PDE6A: variants seen among roughly 807,000 people sequenced by gnomAD.
The protein encoded by PDE6A is rod cGMP-specific 3',5'-cyclic phosphodiesterase subunit alpha.
PDE6A carries 84 observed loss-of-function variants against 106.3 expected under a neutral mutation model. That is an observed-to-expected ratio of 0.79 (90% CI 0.66 to 0.95). PDE6A has a LOEUF of 0.95. PDE6A is among the 40% of genes least tolerant of loss of function. The pLI is 0.00. For synonymous variants in PDE6A, 394 were observed against 386.6 expected, an observed-to-expected ratio of 1.02 and a Z score of -0.23; for missense variants, 1,052 against 1,084.9, an observed-to-expected ratio of 0.97 and a Z score of 0.43.
intron 14 of PDE6A, among the ~76,000 whole-genome samples, chr5:149,885,268 C>T (rs975282691): frequency 3.3e-5 from 5 of 152,236 alleles, no homozygotes; most frequent in African/African-American, 1.2e-4. Context: ...AATGTAAACC[C>T]AATCTCTAGC....
In PDE6A at chr5:149,913,995, G is replaced by A. The variant is rs145133556; in HGVS notation, c.998+948C>T. Among the ~76,000 whole-genome samples the A allele has an allele frequency of 8.6e-3, 1,314 of 152,242 alleles. 6 individuals are homozygous for A. Among genetic ancestry groups the A allele is most frequent in the Middle Eastern group, 0.017 (5 of 290 alleles). On this transcript the variant is annotated intron_variant, in intron 6 of 21. Transcript: ENST00000255266. ...GACATTGAGAATAGGCTTTCTGTGG[G>A]GGCTGAGTCAGTTCCTTTGCAGCTT...
intron 3 of PDE6A, chr5:149,932,774 A>G (rs1262237735): frequency 9.5e-6 from 9 of 946,796 alleles, no homozygotes; most frequent in Non-Finnish European, 1.5e-5. Context: ...TAAATCCTTT[A>G]ACTTGCTTCA....
intron 16 of PDE6A, 71 bp downstream of exon 16, chr5:149,884,408 G>C (rs1415167258): frequency 2.3e-6 from 2 of 879,036 alleles, no homozygotes; most frequent in African/African-American, 3.4e-5. Flanking sequence ...GTATATATAT[G>C]TGTGTATATA....
rs80321866 is a variant in PDE6A, at chr5:149,934,609, A to G, written c.584T>C (p.Val195Ala). Residue 195 changes from valine (V) to alanine (A), a missense_variant, in exon 2 of 22, where the codon GTG (valine) becomes GCG (alanine). Coordinates refer to ENST00000255266, the MANE Select transcript of PDE6A (RefSeq NM_000440.3). ...GKDVVAIIMA[V>A]NKVDGSHFTK... ...GAAGTGGGATCCATCCACTTTATTC[A>G]CAGCCATGATTATGGCCACCACATC... 2.5e-6 allele frequency: 4 copies of G among 1,614,024 alleles called. No individual in the cohort carries two copies. The South Asian group carries it at 4.4e-5, about 18-fold the overall frequency.
chr5:149,883,481 G>A lies in PDE6A; in HGVS notation c.2083C>T (p.Gln695Ter), dbSNP rs1161389116. The A allele has an allele frequency of 6.2e-7, 1 of 1,613,820 alleles. No individual in the cohort carries two copies. ...AGCATCATGTACTGTGTCCACTCCT[G>A]TTCACTCTCATATGTCTTAGACTGA... ...VDQSKTYESEQEWTQYMMLEQ... is the reference protein window; with the variant it reads ...VDQSKTYESE The change falls in exon 17 of 22, where the codon CAG (glutamine) becomes TAG (stop). Residue 695 changes from glutamine (Q) to a stop codon, truncating the protein, a stop_gained. Transcript: ENST00000255266. LOFTEE classifies it high-confidence loss of function.
At chr5:149,902,333 G>A (rs770994015) in intron 8 of PDE6A, among the ~76,000 whole-genome samples, 4 of 152,022 alleles carry the variant, frequency 2.6e-5, no homozygotes, top group Non-Finnish European at 5.9e-5. Context: ...AATCTCCAGC[G>A]ATGCCCCTCC....
At chr5:149,906,698 G>A (rs1383500921) in intron 7 of PDE6A, among the ~76,000 whole-genome samples, 2 of 151,836 alleles carry the variant, frequency 1.3e-5, no homozygotes, top group African/African-American at 4.8e-5. Flanking sequence ...CATGTTGTTT[G>A]CCCATGTTCT....
chr5:149,895,634 G>A (rs963627418), intron 12 of PDE6A, among the ~76,000 whole-genome samples: 8 of 146,438 alleles, frequency 5.5e-5, no homozygotes, highest in African/African-American at 1.7e-4. Flanking sequence ...GCTCTACAGG[G>A]AAAAAAAAAA....
intron 4 of PDE6A, 50 bp from the exon 5 acceptor site, chr5:149,921,759 A>G (rs369297872): frequency 6.0e-5 from 89 of 1,471,838 alleles, no homozygotes; most frequent in Non-Finnish European, 7.6e-5. Context: ...AGATCAAGGA[A>G]AGGAGATTAA....
At chr5:149,878,014 C>T (rs571410454) in intron 17 of PDE6A, among the ~76,000 whole-genome samples, 3 of 152,266 alleles carry the variant, frequency 2.0e-5, no homozygotes, top group Non-Finnish European at 4.4e-5. Flanking sequence ...TTTGGCTGCC[C>T]AGAGGTTTTT....
intron 7 of PDE6A, 109 bp from the exon 8 acceptor site, chr5:149,903,804 A>C: frequency 1.2e-6 from 1 of 862,252 alleles, no homozygotes; most frequent in Non-Finnish European, 2.0e-6. Context: ...CAAGGCATTC[A>C]CATTCTTTTC....
rs1166096156 is a variant in PDE6A at position 149,884,514 on chromosome 5, A to T, written c.1992T>A (p.Ile664=). ...QHEHAIHMMD[I]AIIATDLALY... Reference sequence around the variant, plus strand: ...GGGCGAGGTCTGTGGCAATGATTGCAATGTCCATCATGTGGATGGCATGCT... The same window carrying T: ...GGGCGAGGTCTGTGGCAATGATTGCTATGTCCATCATGTGGATGGCATGCT... The change falls in exon 16 of 22, where the codon ATT becomes ATA. Residue 664 remains isoleucine (I), a synonymous_variant. Coordinates refer to ENST00000255266, the MANE Select transcript of PDE6A (RefSeq NM_000440.3). 6.2e-7 allele frequency: 1 copy of T among 1,613,584 alleles called. No homozygotes were observed. The highest frequency in any genetic ancestry group is 1.3e-5 in the African/African-American group (1 of 74,892).
At chr5:149,920,053 T>C (rs1334430902) in intron 5 of PDE6A, among the ~76,000 whole-genome samples, 1 of 152,084 alleles carries the variant, frequency 6.6e-6, no homozygotes, top group African/African-American at 2.4e-5. Flanking sequence ...TTAGGCCAGG[T>C]GCGGTGGCTC....
At chr5:149,912,593 T>A (rs570829782) in intron 6 of PDE6A, among the ~76,000 whole-genome samples, 20 of 152,208 alleles carry the variant, frequency 1.3e-4, no homozygotes, top group Non-Finnish European at 2.2e-4. Context: ...GCAAGGTTAT[T>A]CTATCTTGCA....
At chr5:149,932,627 A>G (rs1754074691) in intron 3 of PDE6A, 2 of 1,613,392 alleles carry the variant, frequency 1.2e-6, no homozygotes, top group African/African-American at 1.3e-5. Context: ...TAATGCCTTC[A>G]GTATATTCCA....
At chr5:149,914,768 C>A (rs1157033934) in intron 6 of PDE6A, among the ~76,000 whole-genome samples, 175 bp downstream of exon 6, 1 of 151,450 alleles carries the variant, frequency 6.6e-6, no homozygotes, top group African/African-American at 2.4e-5. Flanking sequence ...TTAACATGTT[C>A]TTTGATCTTT....
chr5:149,863,791 T>C lies in PDE6A; in HGVS notation c.2359-525A>G, dbSNP rs1760230296. On this transcript the variant is annotated intron_variant, in intron 20 of 21. Transcript: ENST00000255266. The surrounding 1 kb of genome is among the most constrained non-coding windows in gnomAD (Gnocchi z 4.7). ...GGCTCATGCCACCACACCCAGGTAA[T>C]TTTTTTTATTTTTGTAGATACAGGG... Among the ~76,000 whole-genome samples, 1 of 151,840 alleles carries C rather than the reference T, an allele frequency of 6.6e-6. No homozygotes were observed. The highest frequency in any genetic ancestry group is 1.5e-5 in the Non-Finnish European group (1 of 67,958).
chr5:149,893,440 T>C (rs930945101), intron 13 of PDE6A, among the ~76,000 whole-genome samples: 1 of 152,238 alleles, frequency 6.6e-6, no homozygotes, highest in South Asian at 2.1e-4. Context: ...GAAACCGTAC[T>C]CTGACCTTTC....
Position 149,944,643 on chromosome 5 carries a change from TCTC to T in PDE6A, c.28_30del (p.Glu10del). The T allele has an allele frequency of 6.2e-7, 1 of 1,612,552 alleles. No individual in the cohort carries two copies. The highest frequency in any genetic ancestry group is 8.5e-7 in the Non-Finnish European group (1 of 1,179,496). On this transcript the variant is annotated inframe_deletion, in exon 1 of 22. Transcript: ENST00000255266. The stretch of plus-strand genomic sequence containing the variant: ...AAGCCAATATTCGAGTCCAGGAACT[TCTC>T]CACCTCCTCTGCTGTCACCTCGCCC...
Sources: allele counts gnomAD v4.1 joint callset (sites outside exome capture counted in the v4.1 genomes callset), GRCh38; gene constraint gnomAD v4.1.1; non-coding constraint Gnocchi (gnomAD v3.1); transcripts MANE v1.5; gene names NCBI Gene and HGNC (gene_info 2026-07-23, HGNC 2026-07-21).